SNX30: variants seen among roughly 807,000 people sequenced by gnomAD.
SNX30 encodes the protein sorting nexin family member 30.
SNX30 carries 24 observed loss-of-function variants against 46.4 expected under a neutral mutation model. That is an observed-to-expected ratio of 0.52 (90% CI 0.37 to 0.73). The LOEUF is 0.73. SNX30 is among the 30% of genes least tolerant of loss of function. The probability of loss-of-function intolerance (pLI) is 0.00; values close to 1 mark genes in which losing one functional copy is unlikely to be tolerated. For missense variants in SNX30, 533 were observed against 555.7 expected (o/e 0.96, Z 0.41); for synonymous variants, 189 against 211.5 (o/e 0.89, Z 0.92).
chr9:112,865,659 A>ATGTGTGTGTGTGTGTGTGTG (rs1473545725), intron 8 of SNX30, among the ~76,000 whole-genome samples: 2 of 79,698 alleles, frequency 2.5e-5, no homozygotes, highest in Non-Finnish European at 5.1e-5. Context: ...ATATATATAT[A>ATGTGTGTGTGTGTGTGTGTG]TATGTATGTA....
intron 7 of SNX30, among the ~76,000 whole-genome samples, chr9:112,853,247 G>A (rs1042635141): frequency 2.0e-5 from 3 of 152,208 alleles, no homozygotes; most frequent in South Asian, 2.1e-4. Context: ...CTGGCCCAGC[G>A]TATGCAGCTG....
chr9:112,865,393 G>A (rs1346435640), intron 8 of SNX30, among the ~76,000 whole-genome samples: 2 of 151,950 alleles, frequency 1.3e-5, no homozygotes, highest in South Asian at 4.2e-4. Flanking sequence ...AGAGTCCGAG[G>A]TGGGAGGATC....
intron 2 of SNX30, among the ~76,000 whole-genome samples, chr9:112,816,795 C>A (rs977439630): frequency 1.1e-4 from 17 of 152,078 alleles, no homozygotes; most frequent in African/African-American, 4.1e-4. Flanking sequence ...ACTTTAATTT[C>A]TGAGAACCAT....
intron 1 of SNX30, among the ~76,000 whole-genome samples, chr9:112,778,891 TG>T (rs11288719): frequency 0.77 from 100,458 of 130,550 alleles, 37,023 homozygotes; most frequent in South Asian, 0.81. Flanking sequence ...TGAGAGAACT[TG>T]GGGGGGGGGG....
intron 8 of SNX30, among the ~76,000 whole-genome samples, chr9:112,865,657 A>G (rs373712064): frequency 0.26 from 21,224 of 81,348 alleles, 3,286 homozygotes; most frequent in Non-Finnish European, 0.3. Flanking sequence ...ATATATATAT[A>G]TATATGTATG....
chr9:112,855,912 G>A (rs1041221617), intron 7 of SNX30, among the ~76,000 whole-genome samples: 1 of 152,228 alleles, frequency 6.6e-6, no homozygotes, highest in African/African-American at 2.4e-5. Flanking sequence ...CATGGAAGGT[G>A]GGGGGCATCA....
intron 5 of SNX30, among the ~76,000 whole-genome samples, chr9:112,837,460 TGTTTTTC>T (rs1179549207): frequency 8.5e-4 from 129 of 152,192 alleles, no homozygotes; most frequent in African/African-American, 2.8e-3. Flanking sequence ...TGACTGTTTT[TGTTTTTC>T]GTTTTTTGGT....
intron 6 of SNX30, among the ~76,000 whole-genome samples, chr9:112,850,182 T>C (rs1588137965): frequency 6.6e-6 from 1 of 152,232 alleles, no homozygotes; most frequent in African/African-American, 2.4e-5. Context: ...CTGGCTCTCT[T>C]GGGGCCCATT....
intron 2 of SNX30, among the ~76,000 whole-genome samples, chr9:112,807,069 T>C (rs1233053513): frequency 1.7e-5 from 2 of 118,796 alleles, no homozygotes; most frequent in African/African-American, 7.4e-5. Context: ...TTTTTTTTTT[T>C]TTTTTTTTTT....
intron 1 of SNX30, among the ~76,000 whole-genome samples, chr9:112,755,425 G>T (rs776699382): frequency 6.6e-5 from 10 of 152,004 alleles, no homozygotes; most frequent in Non-Finnish European, 1.3e-4. Context: ...GAAGGGAGGG[G>T]TCAGATTATA....
At chr9:112,849,182 C>T (rs761773833) in intron 6 of SNX30, among the ~76,000 whole-genome samples, 5 of 152,186 alleles carry the variant, frequency 3.3e-5, no homozygotes, top group Non-Finnish European at 5.9e-5. Flanking sequence ...TTTGCACGTC[C>T]ATGGAGAAGA....
intron 3 of SNX30, among the ~76,000 whole-genome samples, chr9:112,827,391 G>T (rs376520044): frequency 2.0e-5 from 3 of 152,198 alleles, no homozygotes; most frequent in Admixed American, 6.6e-5. Context: ...ACAGCTAGTA[G>T]GTGGCAAAGT....
chr9:112,786,984 A>C (rs1839939740), intron 1 of SNX30, among the ~76,000 whole-genome samples: 1 of 152,120 alleles, frequency 6.6e-6, no homozygotes, highest in African/African-American at 2.4e-5. Context: ...CACGCTAACC[A>C]TGGGAATAGA....
chr9:112,759,727 CAAA>C (rs57320231), intron 1 of SNX30, among the ~76,000 whole-genome samples: 20 of 137,488 alleles, frequency 1.5e-4, no homozygotes, highest in Admixed American at 2.2e-4. Context: ...GACTCCATCT[CAAA>C]AAAAAAAAAA....
At chr9:112,867,613 G>GCTCCTCCCACCTCCTCAGAA (rs1841382548) in intron 8 of SNX30, among the ~76,000 whole-genome samples, 1 of 135,378 alleles carries the variant, frequency 7.4e-6, no homozygotes, top group Admixed American at 7.3e-5. Context: ...CCTCTTCAGA[G>GCTCCTCCCACCTCCTCAGAA]CTCCTCCCAC....
At chr9:112,843,595 A>G (rs1202108126) in intron 6 of SNX30, among the ~76,000 whole-genome samples, 1 of 149,858 alleles carries the variant, frequency 6.7e-6, no homozygotes, top group Non-Finnish European at 1.5e-5. Flanking sequence ...CGGTGAGGTC[A>G]AAGAGAGGTA....
chr9:112,772,881 G>A (rs1208186320), intron 1 of SNX30, among the ~76,000 whole-genome samples: 1 of 152,172 alleles, frequency 6.6e-6, no homozygotes, highest in East Asian at 1.9e-4. Context: ...TTATGAAAAG[G>A]CTACTTGAAA....
At chr9:112,849,851 G>A (rs866333193) in intron 6 of SNX30, among the ~76,000 whole-genome samples, 7 of 152,182 alleles carry the variant, frequency 4.6e-5, no homozygotes, top group Admixed American at 3.3e-4. Flanking sequence ...AACTTTCATA[G>A]CAATTTATTT....
At chr9:112,850,746 C>T in intron 6 of SNX30, 113 bp from the exon 7 acceptor site, 1 of 704,972 alleles carries the variant, frequency 1.4e-6, no homozygotes, top group Non-Finnish European at 2.5e-6. Flanking sequence ...CATGGCTGGG[C>T]CTGGGGTAGG....
Sources: allele counts gnomAD v4.1 joint callset (sites outside exome capture counted in the v4.1 genomes callset), GRCh38; gene constraint gnomAD v4.1.1; transcripts MANE v1.5; gene names NCBI Gene and HGNC (gene_info 2026-07-23, HGNC 2026-07-21).